Variants in CHRNA4 observed in about 807,000 individuals in gnomAD.
The protein encoded by CHRNA4 is neuronal acetylcholine receptor subunit alpha-4.
In CHRNA4, 28 loss-of-function variants were observed where a neutral mutation model predicts 48.9. The observed-to-expected ratio is 0.57, with a 90% CI of 0.42 to 0.79. The LOEUF (loss-of-function observed/expected upper bound fraction) is 0.79, where lower values mean the gene tolerates loss of function less well. Ranked by LOEUF, CHRNA4 falls within the 30% of genes least tolerant of loss-of-function variation. The pLI is 0.00. For missense variants in CHRNA4, 859 were observed against 898.4 expected (o/e 0.96, Z 0.56); for synonymous variants, 425 against 402.3 (o/e 1.06, Z -0.68).
At chr20:63,360,358 C>T (rs985534299) in intron 1 of CHRNA4, among the ~76,000 whole-genome samples, 1 of 152,194 alleles carries the variant, frequency 6.6e-6, no homozygotes, top group African/African-American at 2.4e-5. Context: ...CCCCTCCGCA[C>T]CCCAGCCTGC....
At chr20:63,356,305 C>T in intron 3 of CHRNA4, 66 bp downstream of exon 3, 1 of 1,004,130 alleles carries the variant, frequency 1.0e-6, no homozygotes, top group Non-Finnish European at 1.3e-6. Context: ...AGGGCCAGGA[C>T]AGGGCAGCAG....
intron 4 of CHRNA4, 156 bp from the exon 5 acceptor site, chr20:63,351,183 A>ACGCCCACG (rs1568811640): frequency 2.1e-6 from 1 of 472,400 alleles, no homozygotes; most frequent in Non-Finnish European, 3.6e-6. Flanking sequence ...GCCCACATCC[A>ACGCCCACG]TGTCCCACGC....
In CHRNA4 at chr20:63,358,592, G is replaced by T. The variant is rs569734808; in HGVS notation, c.228+956C>A. ...AGGGCTGGAGCTGGCGGACTTCAGT[G>T]TGGAAGACGAGCCCCTGCAGCTCAG... On this transcript the variant is annotated intron_variant, in intron 2 of 5. Coordinates refer to ENST00000370263, the MANE Select transcript of CHRNA4 (RefSeq NM_000744.7). Among the ~76,000 whole-genome samples, 85 of 152,336 alleles carry T rather than the reference G, an allele frequency of 5.6e-4. 1 individual carries two copies. Among genetic ancestry groups the T allele is most frequent in the Middle Eastern group, 3.4e-3 (1 of 294 alleles).
rs375483071 is a variant in CHRNA4 at position 63,352,853 on chromosome 20, A to C, written c.384-1826T>G. Among the ~76,000 whole-genome samples, 276 of 130,002 alleles carry C rather than the reference A, an allele frequency of 2.1e-3. 1 individual carries two copies. The highest frequency in any genetic ancestry group is 7.9e-3 in the African/African-American group (265 of 33,458). The allele number at this position is 130,002 out of a possible 152,430, so 85.3% of individuals were successfully genotyped here. ...TCCCCCAGCCCCCAGGTCCCACAGCACCCCTGGGCTGCATCACTGCTGCTC... is the reference window on the plus strand; with the variant it reads ...TCCCCCAGCCCCCAGGTCCCACAGCCCCCCTGGGCTGCATCACTGCTGCTC... On this transcript the variant is annotated intron_variant, in intron 4 of 5. Coordinates refer to ENST00000370263, the MANE Select transcript of CHRNA4 (RefSeq NM_000744.7).
chr20:63,360,527 ACCT>A (rs2068801110), intron 1 of CHRNA4, among the ~76,000 whole-genome samples: 1 of 151,784 alleles, frequency 6.6e-6, no homozygotes, highest in Admixed American at 6.6e-5. Context: ...GGAGGGGGAG[ACCT>A]CCACCTCCCT....
intron 5 of CHRNA4, 199 bp from the exon 6 acceptor site, chr20:63,347,062 G>A: frequency 1.4e-6 from 1 of 723,472 alleles, no homozygotes; most frequent in East Asian, 2.8e-5. Context: ...GCTCTGCGGG[G>A]GGCATCATCA....
At chr20:63,356,515 G>T in intron 2 of CHRNA4, 100 bp from the exon 3 acceptor site, 2 of 1,277,282 alleles carry the variant, frequency 1.6e-6, no homozygotes, top group Non-Finnish European at 2.2e-6. Flanking sequence ...ACACGGCCAG[G>T]GCAAGATATG....
At chr20:63,353,652 T>C (rs1315665112) in intron 4 of CHRNA4, among the ~76,000 whole-genome samples, 4 of 45,652 alleles carry the variant, frequency 8.8e-5, no homozygotes, top group Admixed American at 3.4e-4. Context: ...GCTGTAGTCC[T>C]AGGGGGCTGT....
At position 63,343,775 on chromosome 20, in the gene CHRNA4, C is replaced by G. The variant is rs112242363; in HGVS notation, c.*2963G>C. The G allele has an allele frequency of 2.2e-6, 1 of 453,632 alleles. No homozygotes were observed. Among genetic ancestry groups the G allele is most frequent in the South Asian group, 1.6e-5 (1 of 64,470 alleles). The allele number at this position is 453,632 out of a possible 1,614,324, so 28.1% of individuals were successfully genotyped here. On this transcript the variant is annotated 3_prime_UTR_variant, in exon 6 of 6. Transcript: ENST00000370263. ...GAGGGGCCGGCGCCCCGGCAGGCTT[C>G]GAGCTGCAGCAGTGTCTCCCGCTGC...
rs752283616 is a variant in CHRNA4 at position 63,359,882 on chromosome 20, T to TGCGC, written c.77-184_77-183insGCGC. On this transcript the variant is annotated intron_variant, in intron 1 of 5. Coordinates refer to ENST00000370263, the MANE Select transcript of CHRNA4 (RefSeq NM_000744.7). Reference sequence around the variant, plus strand: ...CGGGCGTGCGCTCTGTGTGTGTGTGTGTGCCGGGCGTGTGCTGTGTGTGTG... The same window carrying TGCGC: ...CGGGCGTGCGCTCTGTGTGTGTGTGTGCGCGTGCCGGGCGTGTGCTGTGTGTGTG... 780 of 446,628 alleles carry TGCGC rather than the reference T, an allele frequency of 1.7e-3. 4 individuals carry two copies. The highest frequency in any genetic ancestry group is 2.2e-3 in the Middle Eastern group (4 of 1,846). 27.7% of individuals were successfully genotyped at this position (446,628 alleles called of 1,614,324 possible).
At position 63,356,010 on chromosome 20, in the gene CHRNA4, C is replaced by A. The variant is rs866334493; in HGVS notation, c.348G>T (p.Glu116Asp). The A allele has an allele frequency of 1.2e-6, 2 of 1,611,232 alleles. No homozygotes were observed. The highest frequency in any genetic ancestry group is 1.7e-6 in the Non-Finnish European group (2 of 1,179,546). ...ENVTSIRIPS[E>D]LIWRPDIVLY... ...GGACGATGTCCGGCCGCCAGATGAG[C>A]TCGGAGGGGATGCGGATGGAGGTGA... is the stretch of plus-strand genomic sequence containing the variant. Residue 116 changes from glutamate (E) to aspartate (D), a missense_variant, in exon 4 of 6, where the codon GAG becomes GAT. Coordinates refer to ENST00000370263, the MANE Select transcript of CHRNA4 (RefSeq NM_000744.7).
In CHRNA4 at chr20:63,350,741, C is replaced by T. The variant is rs1601476507; in HGVS notation, c.670G>A (p.Glu224Lys). 3.8e-6 allele frequency: 6 copies of T among 1,576,786 alleles called. No individual in the cohort carries two copies. The highest frequency in any genetic ancestry group is 1.7e-4 in the Middle Eastern group (1 of 5,928). ...AVGTYNTRKY[E>K]CCAEIYPDIT... ...TCCGGGTAGATCTCGGCACAGCACTCGTACTTCCTGGTGTTGTAGGTGCCC... is the reference window on the plus strand; with the variant it reads ...TCCGGGTAGATCTCGGCACAGCACTTGTACTTCCTGGTGTTGTAGGTGCCC... Residue 224 changes from glutamate (E) to lysine (K), a missense_variant, in exon 5 of 6, where the codon GAG becomes AAG. This residue lies in a region of CHRNA4 where 342 missense variants were observed against 365.3 expected (regional missense o/e 0.94). Coordinates refer to ENST00000370263, the MANE Select transcript of CHRNA4 (RefSeq NM_000744.7).
intron 2 of CHRNA4, among the ~76,000 whole-genome samples, chr20:63,356,992 C>CGACCACATCGCCATA (rs6147409): frequency 1.4e-5 from 2 of 143,750 alleles, no homozygotes; most frequent in Non-Finnish European, 3.0e-5. Flanking sequence ...ACGTCCCCAC[C>CGACCACATCGCCATA]GACCACATCT....
At position 63,345,600 on chromosome 20, in the gene CHRNA4, A is replaced by C. The variant is rs1227415148; in HGVS notation, c.*1138T>G. On this transcript the variant is annotated 3_prime_UTR_variant, in exon 6 of 6. Coordinates refer to ENST00000370263, the MANE Select transcript of CHRNA4 (RefSeq NM_000744.7). The surrounding 1 kb of genome is among the most constrained non-coding windows in gnomAD (Gnocchi z 5.4). The stretch of plus-strand genomic sequence containing the variant: ...AGCTCTGCCTGCCCTGCCAGGACGG[A>C]GGGCATGGGCCTGTGTGGAAACCCC... The C allele has an allele frequency of 4.4e-6, 2 of 450,074 alleles. No individual in the cohort carries two copies. Among genetic ancestry groups the C allele is most frequent in the Non-Finnish European group, 8.9e-6 (2 of 223,732 alleles). 27.9% of individuals were successfully genotyped at this position (450,074 alleles called of 1,614,324 possible). A position where few individuals can be genotyped will look rare whatever the true frequency, so the allele number is the denominator to read the frequency against.
chr20:63,355,574 G>A (rs1487186660), intron 4 of CHRNA4: 1 of 1,298,194 alleles, frequency 7.7e-7, no homozygotes, highest in Non-Finnish European at 1.0e-6. Flanking sequence ...AAGCACTCCT[G>A]CCCAAAAGGG....
chr20:63,350,229 G>T lies in CHRNA4; in HGVS notation c.1182C>A (p.Ala394=). 4 of 1,608,776 alleles carry T rather than the reference G, an allele frequency of 2.5e-6. No individual in the cohort carries two copies. The highest frequency in any genetic ancestry group is 3.4e-6 in the Non-Finnish European group (4 of 1,177,994). ...GGTGCAGGCTCTGGGTGCCGCTCGT[G>T]GCAGGGGGCTCCCCTTCTGGCTCGG... ...FWPEPEGEPP[A]TSGTQSLHPP... Residue 394 remains alanine, a synonymous_variant, in exon 5 of 6, where the codon GCC becomes GCA. Transcript: ENST00000370263.
rs11698563 is a variant in CHRNA4 at position 63,360,933 on chromosome 20, A to C, written c.76+157T>G. The C allele has an allele frequency of 0.54, 306,526 of 572,538 alleles. 84,724 individuals carry two copies. Among genetic ancestry groups the C allele is most frequent in the Non-Finnish European group, 0.58 (214,437 of 368,034 alleles). 35.5% of individuals were successfully genotyped at this position (572,538 alleles called of 1,614,324 possible). A position where few individuals can be genotyped will look rare whatever the true frequency, so the allele number is the denominator to read the frequency against. ...CCTGGCTCAGCCCGGGTGCGAGCGC[A>C]GCCTGTGCGGCTGGGGATGGGGAGC... is the stretch of plus-strand genomic sequence containing the variant. On this transcript the variant is annotated intron_variant, in intron 1 of 5. Coordinates refer to ENST00000370263, the MANE Select transcript of CHRNA4 (RefSeq NM_000744.7).
chr20:63,356,579 G>C (rs1321579201), intron 2 of CHRNA4, 164 bp from the exon 3 acceptor site: 3 of 705,780 alleles, frequency 4.3e-6, no homozygotes, highest in African/African-American at 1.8e-5. Context: ...AGGCAGCCGA[G>C]CCCAGGATGG....
At position 63,359,698 on chromosome 20, in the gene CHRNA4, G is replaced by A; in HGVS notation, c.78C>T (p.Ala26=). ...GGGCCCGGGTCTCCACATGGCTGCT[G>A]GCTGCGGGGAGAGGCAGGCCAGTGG... is the stretch of plus-strand genomic sequence containing the variant. ...LLLLGTGLLR[A]SSHVETRAHA... Residue 26 remains alanine (A), a splice_region_variant and synonymous_variant, in exon 2 of 6, where the codon GCC becomes GCT. Transcript: ENST00000370263. The A allele has an allele frequency of 6.2e-7, 1 of 1,610,642 alleles. No individual in the cohort carries two copies. The highest frequency in any genetic ancestry group is 2.2e-5 in the East Asian group (1 of 44,872).
Sources: allele counts gnomAD v4.1 joint callset (sites outside exome capture counted in the v4.1 genomes callset), GRCh38; gene constraint gnomAD v4.1.1; regional missense constraint gnomAD v4.1.1; non-coding constraint Gnocchi (gnomAD v3.1); transcripts MANE v1.5; gene names NCBI Gene and HGNC (gene_info 2026-07-23, HGNC 2026-07-21).